Variants in CFAP57 observed in about 807,000 individuals in gnomAD.
The protein encoded by CFAP57 is cilia and flagella associated protein 57.
In CFAP57, 116 loss-of-function variants were observed where a neutral mutation model predicts 146.8. The ratio of observed to expected loss-of-function variants is 0.79; its 90% CI spans 0.68 to 0.92. CFAP57 has a LOEUF of 0.92. Ranked by LOEUF, CFAP57 falls within the 40% of genes least tolerant of loss-of-function variation. The pLI, the probability that CFAP57 is intolerant of heterozygous loss-of-function variation, is 0.00. For synonymous variants in CFAP57, 518 were observed against 552.8 expected (o/e 0.94, Z 0.88); for missense variants, 1,377 against 1,527.2 (o/e 0.90, Z 1.64).
chr1:43,236,910 C>CA (rs371245810), intron 21 of CFAP57, among the ~76,000 whole-genome samples: 18 of 88,206 alleles, frequency 2.0e-4, no homozygotes, highest in Middle Eastern at 0.011. Context: ...CTCCATCCCC[C>CA]CCCAAAAAAA....
Position 43,227,203 on chromosome 1 carries a change from G to A in CFAP57, c.3009+77G>A. On this transcript the variant is annotated intron_variant, in intron 18 of 22. Transcript: ENST00000372492. ...CCACAATTGGCTAGCTGGCCTCAGGGACTGAGGAGAAGCTCTTCTCACAGT... is the reference window on the plus strand; with the variant it reads ...CCACAATTGGCTAGCTGGCCTCAGGAACTGAGGAGAAGCTCTTCTCACAGT... The A allele has an allele frequency of 2.1e-6, 3 of 1,399,618 alleles. No homozygotes were observed. In the South Asian group the frequency reaches 5.2e-5, roughly 24 times the overall value. 86.7% of individuals were successfully genotyped at this position (1,399,618 alleles called of 1,614,324 possible).
intron 10 of CFAP57, among the ~76,000 whole-genome samples, chr1:43,208,897 C>G (rs1387992287): frequency 6.6e-6 from 1 of 152,074 alleles, no homozygotes; most frequent in Non-Finnish European, 1.5e-5. Context: ...GTACAGTAGT[C>G]CCACCTTACC....
At chr1:43,228,829 G>A (rs1050882544) in intron 18 of CFAP57, among the ~76,000 whole-genome samples, 1 of 149,186 alleles carries the variant, frequency 6.7e-6, no homozygotes, top group Non-Finnish European at 1.5e-5. Flanking sequence ...TAAGACCAAG[G>A]CTCCAGCAGA....
In CFAP57 at chr1:43,222,280, C is replaced by T; in HGVS notation, c.2517C>T (p.Thr839=). 6.2e-6 allele frequency: 9 copies of T among 1,450,658 alleles called. No homozygotes were observed. Among genetic ancestry groups the T allele is most frequent in the Non-Finnish European group, 8.2e-6 (9 of 1,097,422 alleles). 89.9% of individuals were successfully genotyped at this position (1,450,658 alleles called of 1,614,324 possible). A position where few individuals can be genotyped will look rare whatever the true frequency, so the allele number is the denominator to read the frequency against. Residue 839 remains threonine (T), a synonymous_variant, in exon 15 of 23, where the codon ACC becomes ACT. Transcript: ENST00000372492. ...ACGAGGCAAAACTGCAGGAGAAAACCACCCTTCTGGAAGAGGTACTCACAG... is the reference window on the plus strand; with the variant it reads ...ACGAGGCAAAACTGCAGGAGAAAACTACCCTTCTGGAAGAGGTACTCACAG... ...EFYEAKLQEK[T]TLLEEAQEDV...
chr1:43,197,456 C>A lies in CFAP57; in HGVS notation c.1123-97C>A. 4.0e-6 allele frequency: 6 copies of A among 1,487,284 alleles called. No individual in the cohort carries two copies. In the South Asian group the frequency reaches 6.8e-5, roughly 17 times the overall value. 92.1% of individuals were successfully genotyped at this position (1,487,284 alleles called of 1,614,324 possible). On this transcript the variant is annotated intron_variant, in intron 6 of 22. Coordinates refer to ENST00000372492, the MANE Select transcript of CFAP57 (RefSeq NM_001378189.1). The stretch of plus-strand genomic sequence containing the variant: ...TAGCCACAGCCTGATTTCTGTGCAC[C>A]CAGGCTAATTAATGTTCATGGGAAC...
chr1:43,243,031 G>A (rs899413890), intron 21 of CFAP57, among the ~76,000 whole-genome samples, 196 bp from the exon 22 acceptor site: 5 of 152,132 alleles, frequency 3.3e-5, no homozygotes, highest in Admixed American at 2.0e-4. Context: ...GAGTCTACCC[G>A]AAAGTAAGTT....
At chr1:43,187,259 A>G (rs1404476031) in intron 6 of CFAP57, among the ~76,000 whole-genome samples, 2 of 152,220 alleles carry the variant, frequency 1.3e-5, no homozygotes. Context: ...TACACTGCAG[A>G]CATTACAACA....
At chr1:43,224,307 T>G in intron 17 of CFAP57, 103 bp downstream of exon 17, 1 of 1,328,462 alleles carries the variant, frequency 7.5e-7, no homozygotes, top group Non-Finnish European at 9.9e-7. Flanking sequence ...AGGACGCATT[T>G]CTTTAACTTG....
chr1:43,219,538 G>A lies in CFAP57; in HGVS notation c.2247+1G>A, dbSNP rs760775161. On this transcript the variant is annotated splice_donor_variant, in intron 13 of 22. Transcript: ENST00000372492. LOFTEE classifies it high-confidence loss of function. ...GGAGTCCTTGAAAACAAAAAACCAGGTCTGTTTAAGAGACTGACCAACAAG... is the reference window on the plus strand; with the variant it reads ...GGAGTCCTTGAAAACAAAAAACCAGATCTGTTTAAGAGACTGACCAACAAG... The A allele has an allele frequency of 6.5e-7, 1 of 1,550,362 alleles. No homozygotes were observed. Among genetic ancestry groups the A allele is most frequent in the Non-Finnish European group, 8.7e-7 (1 of 1,146,936 alleles).
intron 21 of CFAP57, among the ~76,000 whole-genome samples, chr1:43,235,830 T>G (rs928635886): frequency 2.6e-5 from 4 of 152,162 alleles, no homozygotes; most frequent in African/African-American, 9.7e-5. Flanking sequence ...GCAGGAGCAG[T>G]TGTCAGCTGC....
chr1:43,242,628 C>G (rs1194333123), intron 21 of CFAP57, among the ~76,000 whole-genome samples: 1 of 152,114 alleles, frequency 6.6e-6, no homozygotes, highest in Non-Finnish European at 1.5e-5. Context: ...ATGGACTTAC[C>G]AGATAGCCTA....
chr1:43,231,349 C>A (rs12139171), intron 18 of CFAP57, among the ~76,000 whole-genome samples: 10,275 of 152,060 alleles, frequency 0.068, 724 homozygotes, highest in South Asian at 0.18. Flanking sequence ...CTCTACCTAG[C>A]CGTGAAAAAA....
intron 22 of CFAP57, among the ~76,000 whole-genome samples, chr1:43,246,929 AT>A (rs1373502822): frequency 2.0e-5 from 3 of 152,210 alleles, no homozygotes; most frequent in African/African-American, 7.2e-5. Flanking sequence ...AATCAATATA[AT>A]TTCCTTAAGG....
At chr1:43,180,807 T>A (rs1260262597) in intron 2 of CFAP57, among the ~76,000 whole-genome samples, 5 of 152,072 alleles carry the variant, frequency 3.3e-5, no homozygotes, top group African/African-American at 4.8e-5. Flanking sequence ...AGTGATGAGC[T>A]AGCCACTCAG....
At chr1:43,192,795 C>T (rs185225614) in intron 6 of CFAP57, among the ~76,000 whole-genome samples, 10 of 151,614 alleles carry the variant, frequency 6.6e-5, no homozygotes, top group African/African-American at 2.2e-4. Flanking sequence ...GGCGTGGTGG[C>T]ACATGCCTGT....
At position 43,243,227 on chromosome 1, in the gene CFAP57, GA is replaced by G; in HGVS notation, c.3410del (p.Asn1137MetfsTer4). ...HRTDYVRIMQ[E>X]NVSLIKEINE... ...CCTCTCTCTTCCCCCTTTTCTGCAG[GA>G]AAATGTCTCTCTGATCAAGGAAATT... On this transcript the variant is annotated frameshift_variant and splice_region_variant, in exon 22 of 23. Transcript: ENST00000372492. LOFTEE classifies it high-confidence loss of function. The G allele has an allele frequency of 6.5e-7, 1 of 1,549,590 alleles. No homozygotes were observed.
At chr1:43,209,938 G>A (rs1644525867) in intron 11 of CFAP57, 22 bp downstream of exon 11, 1 of 1,614,086 alleles carries the variant, frequency 6.2e-7, no homozygotes, top group Non-Finnish European at 8.5e-7. Context: ...CCTCTCCCCA[G>A]GAACCCAGTC....
At chr1:43,177,603 A>G (rs1273889971) in intron 2 of CFAP57, among the ~76,000 whole-genome samples, 2 of 152,154 alleles carry the variant, frequency 1.3e-5, no homozygotes, top group Non-Finnish European at 2.9e-5. Context: ...GTGGTCCCCA[A>G]CCTTTCTGGC....
rs1645069051 is a variant in CFAP57, at chr1:43,222,131, C to T, written c.2368C>T (p.Leu790=). The T allele has an allele frequency of 6.5e-7, 1 of 1,547,568 alleles. No homozygotes were observed. The highest frequency in any genetic ancestry group is 1.4e-5 in the African/African-American group (1 of 72,912). The part of the protein sequence containing the change: ...MECCNNQKLL[L]EYEKYQELQL... ...ATGTTGCAACAACCAAAAGTTGCTT[C>T]TAGAATATGAGAAGTACCAGGAGCT... The change falls in exon 15 of 23, where the codon CTA becomes TTA. Residue 790 remains leucine (L), a synonymous_variant. Transcript: ENST00000372492.
Sources: gnomAD v4.1 joint callset for allele counts (sites outside exome capture counted in the v4.1 genomes callset) on GRCh38, gnomAD v4.1.1 for gene constraint, MANE v1.5 for transcripts, NCBI Gene and HGNC (gene_info 2026-07-23, HGNC 2026-07-21) for gene names.